The following CHRNB3 variants were observed in gnomAD, a reference collection of about 807,000 sequenced individuals.
CHRNB3 encodes neuronal acetylcholine receptor subunit beta-3.
Under a neutral mutation model 40.6 loss-of-function variants are expected in CHRNB3, and 37 were observed. The ratio of observed to expected loss-of-function variants is 0.91; its 90% CI spans 0.70 to 1.20. The LOEUF is 1.20. Among genes scored for constraint, CHRNB3 ranks in the 50% most tolerant of loss-of-function variants. The pLI, the probability that CHRNB3 is intolerant of heterozygous loss-of-function variation, is 0.00. For missense variants in CHRNB3, 505 were observed against 551.2 expected (o/e 0.92, Z 0.84); for synonymous variants, 207 against 207.1 (o/e 1.00, Z 0.00).
chr8:42,718,065 A>G (rs1327650971), intron 3 of CHRNB3, among the ~76,000 whole-genome samples: 2 of 151,920 alleles, frequency 1.3e-5, no homozygotes, highest in African/African-American at 4.8e-5. Flanking sequence ...TCCTGACCTC[A>G]TGTGATCGCC....
intron 3 of CHRNB3, among the ~76,000 whole-genome samples, chr8:42,717,724 A>C (rs1816142107): frequency 1.3e-5 from 2 of 151,674 alleles, no homozygotes. Context: ...TGCCTAGCTC[A>C]CAGTGTTGTC....
chr8:42,699,493 T>C (rs1815740232), intron 1 of CHRNB3: 1 of 152,232 alleles, frequency 6.6e-6, no homozygotes, highest in African/African-American at 2.4e-5. Context: ...GCATCATGGC[T>C]CACACCTGTA....
chr8:42,705,928 C>G (rs564870375), intron 1 of CHRNB3: 36 of 152,372 alleles, frequency 2.4e-4, no homozygotes, highest in African/African-American at 8.4e-4. Flanking sequence ...GTGACAGTCA[C>G]TGTTCTAGGA....
Position 42,736,893 on chromosome 8 carries a change from A to AT in CHRNB3, c.*276dup. On this transcript the variant is annotated 3_prime_UTR_variant, in exon 6 of 6. Coordinates refer to ENST00000289957, the MANE Select transcript of CHRNB3 (RefSeq NM_000749.5). ...ATCATAGGTCCAGGCTTGAGCTCAC[A>AT]TGTGGCCAGAGTGCACAAAAAGCTG... 2.5e-6 allele frequency: 1 copy of AT among 402,602 alleles called. No homozygotes were observed. The highest frequency in any genetic ancestry group is 2.0e-5 in the African/African-American group (1 of 49,162). The allele number at this position is 402,602 out of a possible 1,614,324, so 24.9% of individuals were successfully genotyped here.
chr8:42,701,220 CTG>C (rs797022319), intron 1 of CHRNB3, among the ~76,000 whole-genome samples: 40 of 16,132 alleles, frequency 2.5e-3, no homozygotes, highest in African/African-American at 3.3e-3. Flanking sequence ...GAGCGAGACT[CTG>C]TCTCAAAAAA....
intron 3 of CHRNB3, among the ~76,000 whole-genome samples, chr8:42,726,394 G>A (rs977247206): frequency 2.0e-5 from 3 of 151,990 alleles, no homozygotes; most frequent in African/African-American, 7.3e-5. Context: ...GGTAAGCCAG[G>A]TCACAGGACA....
rs574112245 is a variant in CHRNB3 at position 42,698,651 on chromosome 8, C to A, written c.52+1053C>A. Among the ~76,000 whole-genome samples, 10 of 152,302 alleles carry A rather than the reference C, an allele frequency of 6.6e-5. 1 individual carries two copies. The South Asian group carries it at 2.1e-3, about 32-fold the overall frequency. On this transcript the variant is annotated intron_variant, in intron 1 of 5. Coordinates refer to ENST00000289957, the MANE Select transcript of CHRNB3 (RefSeq NM_000749.5). ...ATGCAGAAAGCCTCAAACTCACTTTCAAATATCATGAAATTTGGACTTTTC... is the reference window on the plus strand; with the variant it reads ...ATGCAGAAAGCCTCAAACTCACTTTAAAATATCATGAAATTTGGACTTTTC...
At position 42,736,523 on chromosome 8, in the gene CHRNB3, C is replaced by G. The variant is rs757161082; in HGVS notation, c.1282C>G (p.Arg428Gly). The part of the protein sequence containing the change: ...DWKFVAQVLD[R>G]IFLWLFLIVS... ...GAAATTTGTAGCTCAAGTTCTTGAC[C>G]GAATCTTCCTGTGGCTCTTTCTGAT... is the stretch of plus-strand genomic sequence containing the variant. Residue 428 changes from arginine (R) to glycine (G), a missense_variant, in exon 6 of 6, where the codon CGA becomes GGA. By Grantham distance (125) the Arg-to-Gly change is moderately radical. Transcript: ENST00000289957. The G allele has an allele frequency of 1.5e-5, 25 of 1,614,142 alleles. No homozygotes were observed. The highest frequency in any genetic ancestry group is 2.1e-5 in the Non-Finnish European group (25 of 1,180,024).
intron 3 of CHRNB3, among the ~76,000 whole-genome samples, chr8:42,715,282 T>C (rs781100950): frequency 3.3e-5 from 5 of 152,142 alleles, no homozygotes; most frequent in African/African-American, 4.8e-5. Flanking sequence ...GATATTTAAT[T>C]TGAGTCTTAC....
At chr8:42,709,790 C>T in intron 2 of CHRNB3, among the ~76,000 whole-genome samples, 1 of 152,090 alleles carries the variant, frequency 6.6e-6, no homozygotes, top group Non-Finnish European at 1.5e-5. Flanking sequence ...TGCCATGATG[C>T]CCAGCTAATT....
chr8:42,736,456 G>A, intron 5 of CHRNB3, 28 bp from the exon 6 acceptor site: 1 of 1,613,328 alleles, frequency 6.2e-7, no homozygotes, highest in Non-Finnish European at 8.5e-7. Context: ...AGTGTCTTGA[G>A]TGAAAGGCAT....
Position 42,703,435 on chromosome 8 carries a change from A to AAAAAAAATATATATAT in CHRNB3, c.53-5281_53-5280insAAAAAATATATATATA. 9.3e-4 allele frequency among the ~76,000 whole-genome samples: 44 copies of AAAAAAAATATATATAT among 47,400 alleles called. 6 individuals are homozygous for AAAAAAAATATATATAT. Among genetic ancestry groups the AAAAAAAATATATATAT allele is most frequent in the Non-Finnish European group, 1.6e-3 (34 of 21,528 alleles). 31.1% of individuals were successfully genotyped at this position (47,400 alleles called of 152,430 possible). ...CAAGACTTCGTCTAAAAAAAAAAAAAATATTTATATATATATATATATATA... is the reference window on the plus strand; with the variant it reads ...CAAGACTTCGTCTAAAAAAAAAAAAAAAAAAAATATATATATATATTTATATATATATATATATATA... On this transcript the variant is annotated intron_variant, in intron 1 of 5. Coordinates refer to ENST00000289957, the MANE Select transcript of CHRNB3 (RefSeq NM_000749.5).
At position 42,712,563 on chromosome 8, in the gene CHRNB3, C is replaced by G. The variant is rs60719005; in HGVS notation, c.249+2129C>G. Among the ~76,000 whole-genome samples, 630 of 152,028 alleles carry G rather than the reference C, an allele frequency of 4.1e-3. 5 individuals are homozygous for G. The highest frequency in any genetic ancestry group is 0.014 in the African/African-American group (566 of 41,432). On this transcript the variant is annotated intron_variant, in intron 3 of 5. Coordinates refer to ENST00000289957, the MANE Select transcript of CHRNB3 (RefSeq NM_000749.5). The stretch of plus-strand genomic sequence containing the variant: ...TTGTTTTACTTGCAAATAAAAATAC[C>G]CAAAAGAAAATAATAAGCTTGGAAT...
In CHRNB3 at chr8:42,736,717, A is replaced by G; in HGVS notation, c.*99A>G. ...CATGTGCTTGTTCTACGAACCCCGA[A>G]TGCGTTGTCTTTGTGGAAATGGAAC... On this transcript the variant is annotated 3_prime_UTR_variant, in exon 6 of 6. Transcript: ENST00000289957. 7.2e-7 allele frequency: 1 copy of G among 1,379,724 alleles called. No individual in the cohort carries two copies. Among genetic ancestry groups the G allele is most frequent in the Non-Finnish European group, 1.0e-6 (1 of 986,020 alleles). 85.5% of individuals were successfully genotyped at this position (1,379,724 alleles called of 1,614,324 possible).
chr8:42,723,954 T>C (rs1371137928), intron 3 of CHRNB3, among the ~76,000 whole-genome samples: 2 of 151,818 alleles, frequency 1.3e-5, no homozygotes, highest in African/African-American at 2.4e-5. Context: ...GGCGTGATGG[T>C]GGATGCCTGT....
At chr8:42,717,360 C>T (rs180890465) in intron 3 of CHRNB3, among the ~76,000 whole-genome samples, 1,723 of 55,152 alleles carry the variant, frequency 0.031, 103 homozygotes, top group African/African-American at 0.09. Flanking sequence ...GGTGACAGAG[C>T]GAGACTCCGT....
In CHRNB3 at chr8:42,735,044, C is replaced by T. The variant is rs192120570; in HGVS notation, c.1243-1440C>T. 5.3e-3 allele frequency among the ~76,000 whole-genome samples: 799 copies of T among 150,132 alleles called. 3 individuals carry two copies. Among genetic ancestry groups the T allele is most frequent in the Non-Finnish European group, 8.5e-3 (577 of 67,700 alleles). ...GACCATCCTGGCTAACAGGGTGAAA[C>T]CCTGTCTCTACAAAAAATACAAAAA... On this transcript the variant is annotated intron_variant, in intron 5 of 5. Coordinates refer to ENST00000289957, the MANE Select transcript of CHRNB3 (RefSeq NM_000749.5).
chr8:42,706,276 G>GA (rs1815920328), intron 1 of CHRNB3, among the ~76,000 whole-genome samples: 2 of 152,132 alleles, frequency 1.3e-5, no homozygotes, highest in African/African-American at 2.4e-5. Flanking sequence ...GGGCAGTATG[G>GA]TGGGGGTGGT....
At chr8:42,703,472 TG>T (rs1313025380) in intron 1 of CHRNB3, among the ~76,000 whole-genome samples, 1 of 115,648 alleles carries the variant, frequency 8.6e-6, no homozygotes, top group Non-Finnish European at 1.9e-5. Flanking sequence ...GTATCCACAA[TG>T]GGGGACACTC....
Sources: allele counts gnomAD v4.1 joint callset (sites outside exome capture counted in the v4.1 genomes callset), GRCh38; gene constraint gnomAD v4.1.1; transcripts MANE v1.5; gene names NCBI Gene and HGNC (gene_info 2026-07-23, HGNC 2026-07-21).